SLC35F3: variants seen among roughly 807,000 people sequenced by gnomAD.
The protein encoded by SLC35F3 is solute carrier family 35 member F3.
A neutral mutation model predicts 49.9 loss-of-function variants in SLC35F3; 25 were observed. The observed-to-expected ratio is 0.50, with a 90% confidence interval of 0.37 to 0.70. The LOEUF (loss-of-function observed/expected upper bound fraction) is 0.70, where lower values mean the gene tolerates loss of function less well. SLC35F3 is among the 30% of genes least tolerant of loss of function. The pLI, the probability that SLC35F3 is intolerant of heterozygous loss-of-function variation, is 0.00. For synonymous variants in SLC35F3, 275 were observed against 265.4 expected (o/e 1.04, Z -0.35); for missense variants, 525 against 639.8 (o/e 0.82, Z 1.94).
At chr1:233,945,100 C>T (rs1240224445) in intron 2 of SLC35F3, among the ~76,000 whole-genome samples, 1 of 151,756 alleles carries the variant, frequency 6.6e-6, no homozygotes, top group East Asian at 1.9e-4. Flanking sequence ...ATTGAAAATC[C>T]ATACAAGGAG....
chr1:234,322,020 A>AAAT (rs150010282), intron 7 of SLC35F3, among the ~76,000 whole-genome samples: 2,433 of 150,940 alleles, frequency 0.016, 75 homozygotes, highest in African/African-American at 0.054. Flanking sequence ...ATCTCTACAA[A>AAAT]AATAATAATA....
At chr1:234,192,861 T>C (rs992126030) in intron 2 of SLC35F3, among the ~76,000 whole-genome samples, 1 of 151,792 alleles carries the variant, frequency 6.6e-6, no homozygotes, top group African/African-American at 2.4e-5. Context: ...AAAAATCAAA[T>C]AAAATAAAAT....
chr1:234,017,454 A>G (rs777761774), intron 2 of SLC35F3, among the ~76,000 whole-genome samples: 1 of 151,930 alleles, frequency 6.6e-6, no homozygotes, highest in Admixed American at 6.6e-5. Flanking sequence ...TGGCTCATGC[A>G]TGTAGTCCCA....
intron 3 of SLC35F3, among the ~76,000 whole-genome samples, chr1:234,304,371 C>A (rs1253778086): frequency 1.3e-5 from 2 of 151,994 alleles, no homozygotes; most frequent in Non-Finnish European, 2.9e-5. Flanking sequence ...CCATATTGGC[C>A]AGGCTGGTCT....
intron 2 of SLC35F3, among the ~76,000 whole-genome samples, chr1:234,123,660 T>A (rs1357102394): frequency 6.6e-6 from 1 of 151,740 alleles, no homozygotes; most frequent in East Asian, 1.9e-4. Context: ...TCAAGACAAC[T>A]GCCTGCCTCA....
At chr1:234,114,999 A>G (rs959032594) in intron 2 of SLC35F3, among the ~76,000 whole-genome samples, 5 of 152,120 alleles carry the variant, frequency 3.3e-5, no homozygotes, top group African/African-American at 9.7e-5. Flanking sequence ...GTAGAAAGGT[A>G]TCCATATGGT....
rs573932776 is a variant in SLC35F3 at position 233,986,138 on chromosome 1, A to G, written c.283+80380A>G. Reference sequence around the variant, plus strand: ...GAGTTAAATCATGTAGAGTGCTTCAAACACAATATATATGCAGTAATGTTA... The same window carrying G: ...GAGTTAAATCATGTAGAGTGCTTCAGACACAATATATATGCAGTAATGTTA... On this transcript the variant is annotated intron_variant, in intron 2 of 7. Coordinates refer to ENST00000366618, the MANE Select transcript of SLC35F3 (RefSeq NM_173508.4). 3.3e-5 allele frequency among the ~76,000 whole-genome samples: 5 copies of G among 152,360 alleles called. No individual in the cohort carries two copies. In the South Asian group the frequency reaches 1.0e-3, roughly 32 times the overall value.
At chr1:234,080,856 A>G (rs1664864553) in intron 2 of SLC35F3, among the ~76,000 whole-genome samples, 1 of 152,244 alleles carries the variant, frequency 6.6e-6, no homozygotes, top group Non-Finnish European at 1.5e-5. Flanking sequence ...ATACCACATC[A>G]TGAATATTCT....
At chr1:234,138,661 C>T (rs1665845059) in intron 2 of SLC35F3, among the ~76,000 whole-genome samples, 1 of 152,192 alleles carries the variant, frequency 6.6e-6, no homozygotes, top group Non-Finnish European at 1.5e-5. Flanking sequence ...GATCCTCCCA[C>T]CTCAGCCTTC....
chr1:234,260,262 C>G (rs1246378232), intron 3 of SLC35F3, among the ~76,000 whole-genome samples: 1 of 152,092 alleles, frequency 6.6e-6, no homozygotes, highest in Non-Finnish European at 1.5e-5. Context: ...GGCTCAGCCT[C>G]TAGACATTCT....
chr1:234,113,574 T>C (rs7521767), intron 2 of SLC35F3, among the ~76,000 whole-genome samples: 21,187 of 152,144 alleles, frequency 0.14, 3,222 homozygotes, highest in East Asian at 0.81. Flanking sequence ...AAGATTTCGG[T>C]GACATGTAGG....
chr1:234,080,060 T>A (rs1041757923), intron 2 of SLC35F3, among the ~76,000 whole-genome samples: 1 of 152,148 alleles, frequency 6.6e-6, no homozygotes, highest in African/African-American at 2.4e-5. Flanking sequence ...CTGGAGGTGA[T>A]CAACAAGGTG....
Position 234,309,167 on chromosome 1 carries a change from C to A in SLC35F3, c.675C>A (p.Pro225=), listed in dbSNP as rs547267941. 1.2e-6 allele frequency: 2 copies of A among 1,614,208 alleles called. No individual in the cohort carries two copies. Among genetic ancestry groups the A allele is most frequent in the African/African-American group, 1.3e-5 (1 of 75,056 alleles). The change falls in exon 4 of 8, where the codon CCC becomes CCA. Residue 225 remains proline (P), a synonymous_variant. Coordinates refer to ENST00000366618, the MANE Select transcript of SLC35F3 (RefSeq NM_173508.4). Reference sequence around the variant, plus strand: ...AGGTGTTTTTTACCAAGGCAGCACCCTTTGGTGTTCTTTGGACACTCACAA... The same window carrying A: ...AGGTGTTTTTTACCAAGGCAGCACCATTTGGTGTTCTTTGGACACTCACAA... ...TLKVFFTKAA[P]FGVLWTLTNY...
chr1:234,158,067 T>C (rs191569613), intron 2 of SLC35F3, among the ~76,000 whole-genome samples: 248 of 152,318 alleles, frequency 1.6e-3, no homozygotes, highest in African/African-American at 5.7e-3. Flanking sequence ...ACTTTAACTT[T>C]AGCCTCTCCT....
intron 2 of SLC35F3, among the ~76,000 whole-genome samples, chr1:233,951,357 G>C (rs182284099): frequency 2.6e-5 from 4 of 151,582 alleles, no homozygotes; most frequent in African/African-American, 9.7e-5. Flanking sequence ...AGGCCTTCAC[G>C]TTCACCCACC....
intron 2 of SLC35F3, among the ~76,000 whole-genome samples, chr1:234,139,966 A>AAATAAAATAAAATAAAATAAAAT (rs1553308887): frequency 0.017 from 2,227 of 133,352 alleles, 133 homozygotes; most frequent in African/African-American, 0.06. Flanking sequence ...AAATAAAATA[A>AAATAAAATAAAATAAAATAAAAT]AATAAAATAA....
At chr1:233,976,965 G>A (rs1038543921) in intron 2 of SLC35F3, among the ~76,000 whole-genome samples, 2 of 152,210 alleles carry the variant, frequency 1.3e-5, no homozygotes, top group Non-Finnish European at 2.9e-5. Flanking sequence ...GTAGCCTTTT[G>A]ACAATTGCTC....
intron 2 of SLC35F3, among the ~76,000 whole-genome samples, chr1:233,973,843 T>G (rs773334125): frequency 3.5e-4 from 53 of 152,160 alleles, no homozygotes; most frequent in Non-Finnish European, 6.6e-4. Flanking sequence ...TAAGCATAAA[T>G]TTTTTTTCTT....
chr1:234,307,622 C>T (rs905848293), intron 3 of SLC35F3, among the ~76,000 whole-genome samples: 1 of 152,204 alleles, frequency 6.6e-6, no homozygotes, highest in African/African-American at 2.4e-5. Flanking sequence ...GCTATTCCCC[C>T]AACCTAGTGC....
Sources: allele counts gnomAD v4.1 joint callset (sites outside exome capture counted in the v4.1 genomes callset), GRCh38; gene constraint gnomAD v4.1.1; transcripts MANE v1.5; gene names NCBI Gene and HGNC (gene_info 2026-07-23, HGNC 2026-07-21).